LOC112694756: variants seen among roughly 807,000 people sequenced by gnomAD.
At chr16:30,061,147 C>A in the LOC112694756 span, among the ~76,000 whole-genome samples, 2 of 152,258 alleles carry the variant, frequency 1.3e-5, no homozygotes, top group Non-Finnish European at 2.9e-5. Flanking sequence ...AAGGCAGTTG[C>A]GGGTCATCCC....
At chr16:30,069,569 A>G in the LOC112694756 span, 2 of 1,614,102 alleles carry the variant, frequency 1.2e-6, no homozygotes, top group Non-Finnish European at 8.5e-7. Context: ...CTGAAGCCCA[A>G]CATGGTCACC....
the LOC112694756 span, chr16:30,066,943 C>T: frequency 3.2e-6 from 5 of 1,550,968 alleles, no homozygotes; most frequent in African/African-American, 1.4e-5. Context: ...CATGACCCAC[C>T]TGTCCATGGC....
the LOC112694756 span, among the ~76,000 whole-genome samples, chr16:30,060,019 C>T: frequency 1.1e-4 from 17 of 152,086 alleles, no homozygotes; most frequent in African/African-American, 4.1e-4. Context: ...CACTCTGTTG[C>T]CCAGGCTAGA....
the LOC112694756 span, chr16:30,064,636 G>C: frequency 2.5e-6 from 1 of 395,506 alleles, no homozygotes; most frequent in Non-Finnish European, 4.5e-6. Context: ...GTCCCTGCCA[G>C]AGGATCCGTG....
At chr16:30,062,910 A>G in the LOC112694756 span, among the ~76,000 whole-genome samples, 1 of 151,912 alleles carries the variant, frequency 6.6e-6, no homozygotes, top group Non-Finnish European at 1.5e-5. Flanking sequence ...TGGGAGGCTG[A>G]GGCAGGTGGA....
At chr16:30,054,865 A>G in the LOC112694756 span, 1 of 399,138 alleles carries the variant, frequency 2.5e-6, no homozygotes, top group Non-Finnish European at 4.4e-6. Context: ...CATCGTCTTC[A>G]TCGCTGTGGG....
the LOC112694756 span, chr16:30,069,208 GCAT>G: frequency 6.9e-7 from 1 of 1,443,768 alleles, no homozygotes; most frequent in Middle Eastern, 1.8e-4. Context: ...TGAGTCCCTG[GCAT>G]CATCAAGATA....
At chr16:30,065,509 G>C in the LOC112694756 span, among the ~76,000 whole-genome samples, 1 of 152,204 alleles carries the variant, frequency 6.6e-6, no homozygotes, top group Non-Finnish European at 1.5e-5. Flanking sequence ...CGCCAGGCTG[G>C]GGGAAAGGAG....
chr16:30,054,411 A>C, the LOC112694756 span, among the ~76,000 whole-genome samples: 1 of 152,066 alleles, frequency 6.6e-6, no homozygotes, highest in South Asian at 2.1e-4. Flanking sequence ...GATACTACAC[A>C]AGGACATCTG....
At chr16:30,066,940 C>A in the LOC112694756 span, 3 of 1,550,906 alleles carry the variant, frequency 1.9e-6, no homozygotes, top group Non-Finnish European at 2.6e-6. Context: ...CAACATGACC[C>A]ACCTGTCCAT....
At chr16:30,066,303 C>T in the LOC112694756 span, 6 of 152,516 alleles carry the variant, frequency 3.9e-5, no homozygotes, top group Non-Finnish European at 7.3e-5. Flanking sequence ...TGGTTTCTGT[C>T]CTGGGAAACG....
At chr16:30,068,593 G>T in the LOC112694756 span, 1 of 1,592,756 alleles carries the variant, frequency 6.3e-7, no homozygotes, top group South Asian at 1.1e-5. Context: ...ACAGTGGAAA[G>T]GGTGCTAGAG....
At chr16:30,056,810 A>T in the LOC112694756 span, among the ~76,000 whole-genome samples, 10 of 151,940 alleles carry the variant, frequency 6.6e-5, no homozygotes, top group Admixed American at 2.0e-4. Flanking sequence ...GTTGTTGCCC[A>T]GGCTGGTGTT....
chr16:30,061,209 T>C, the LOC112694756 span, among the ~76,000 whole-genome samples: 76,229 of 152,148 alleles, frequency 0.5, 19,778 homozygotes, highest in African/African-American at 0.63. Flanking sequence ...TCCCTTCTTG[T>C]CTCTAAGGAC....
chr16:30,057,278 A>G, the LOC112694756 span, among the ~76,000 whole-genome samples: 1 of 152,100 alleles, frequency 6.6e-6, no homozygotes, highest in Non-Finnish European at 1.5e-5. Context: ...TAGACACATA[A>G]GGGTTACTGT....
the LOC112694756 span, chr16:30,054,854 C>G: frequency 2.5e-6 from 1 of 399,490 alleles, no homozygotes; most frequent in Non-Finnish European, 4.4e-6. Flanking sequence ...CCCATCCCTG[C>G]CATCGTCTTC....
At chr16:30,067,115 G>T in the LOC112694756 span, 1 of 1,573,554 alleles carries the variant, frequency 6.4e-7, no homozygotes. Context: ...GGGCCTGCTG[G>T]GTGTGGGGCA....
At chr16:30,070,301 T>C in the LOC112694756 span, 1 of 1,331,024 alleles carries the variant, frequency 7.5e-7, no homozygotes, top group Admixed American at 1.7e-5. Flanking sequence ...GGCTCCAGGC[T>C]GGCTTGCCCG....
At chr16:30,058,457 T>C in the LOC112694756 span, among the ~76,000 whole-genome samples, 1 of 151,968 alleles carries the variant, frequency 6.6e-6, no homozygotes, top group Non-Finnish European at 1.5e-5. Context: ...GAAACATGCC[T>C]GCTCGCCTGC....
Sources: gnomAD v4.1 joint callset for allele counts (sites outside exome capture counted in the v4.1 genomes callset) on GRCh38, gnomAD v4.1.1 for gene constraint, MANE v1.5 for transcripts.